The following FSTL4 variants were observed in gnomAD, a reference collection of about 807,000 sequenced individuals.
FSTL4 encodes follistatin like 4, also known as follistatin-related protein 4.
FSTL4 carries 28 observed loss-of-function variants against 78.2 expected under a neutral mutation model. That is an observed-to-expected ratio of 0.36 (90% CI 0.27 to 0.49). The LOEUF is 0.49. FSTL4 is among the 20% of genes least tolerant of loss of function. The pLI, the probability that FSTL4 is intolerant of heterozygous loss-of-function variation, is 0.98. For missense variants in FSTL4, 922 were observed against 1,084.9 expected (o/e 0.85, Z 2.11); for synonymous variants, 422 against 440.5 (o/e 0.96, Z 0.53).
chr5:133,517,279 T>A (rs937583487), intron 3 of FSTL4, among the ~76,000 whole-genome samples: 3 of 149,308 alleles, frequency 2.0e-5, no homozygotes, highest in African/African-American at 7.4e-5. Context: ...AAAAATTAGC[T>A]GAGCATAGTG....
At chr5:133,824,457 C>T in the FSTL4 span, among the ~76,000 whole-genome samples, 3 of 152,324 alleles carry the variant, frequency 2.0e-5, no homozygotes, top group East Asian at 1.9e-4. Flanking sequence ...CAGAAGCAGA[C>T]AAAAGACACT....
At chr5:133,757,743 T>C in the FSTL4 span, among the ~76,000 whole-genome samples, 1 of 152,174 alleles carries the variant, frequency 6.6e-6, no homozygotes, top group Admixed American at 6.5e-5. Flanking sequence ...CACCCGAGGC[T>C]CTTCTAGTTG....
intron 3 of FSTL4, among the ~76,000 whole-genome samples, chr5:133,500,431 C>G (rs2112877023): frequency 6.6e-6 from 1 of 152,276 alleles, no homozygotes; most frequent in South Asian, 2.1e-4. Context: ...ATTCCTTCCT[C>G]AGAAGGAACG....
intron 7 of FSTL4, among the ~76,000 whole-genome samples, chr5:133,240,481 T>G (rs1221347956): frequency 5.3e-5 from 8 of 152,178 alleles, no homozygotes; most frequent in Admixed American, 3.9e-4. Flanking sequence ...CCTGTCCTCC[T>G]GCTCGTTCCC....
the FSTL4 span, among the ~76,000 whole-genome samples, chr5:133,705,912 A>T: frequency 6.6e-6 from 1 of 151,620 alleles, no homozygotes. Flanking sequence ...AGCACTTCTC[A>T]GCTATTTGAA....
At chr5:133,251,176 A>G (rs1487164554) in intron 6 of FSTL4, among the ~76,000 whole-genome samples, 1 of 152,176 alleles carries the variant, frequency 6.6e-6, no homozygotes, top group Non-Finnish European at 1.5e-5. Flanking sequence ...CTGTAGCATG[A>G]CCCGGCCTTT....
chr5:133,366,058 T>C (rs1755175453), intron 4 of FSTL4, among the ~76,000 whole-genome samples: 1 of 152,206 alleles, frequency 6.6e-6, no homozygotes, highest in South Asian at 2.1e-4. Context: ...CTGCCTGGGC[T>C]TCTGGATCCT....
At chr5:133,305,533 A>G (rs1561664465) in intron 6 of FSTL4, among the ~76,000 whole-genome samples, 1 of 152,156 alleles carries the variant, frequency 6.6e-6, no homozygotes, top group Non-Finnish European at 1.5e-5. Flanking sequence ...CTCTTGGGAC[A>G]GTTGGTCCTC....
chr5:133,317,642 G>A (rs562204340), intron 4 of FSTL4, among the ~76,000 whole-genome samples: 1 of 152,240 alleles, frequency 6.6e-6, no homozygotes, highest in Non-Finnish European at 1.5e-5. Context: ...AAGTGTTAGA[G>A]AGCATGAGCT....
chr5:133,425,331 C>T (rs895380154), intron 3 of FSTL4, among the ~76,000 whole-genome samples: 4 of 152,116 alleles, frequency 2.6e-5, no homozygotes, highest in Admixed American at 6.5e-5. Flanking sequence ...AGCAGGAGAC[C>T]CAGAGCAAGT....
At chr5:133,626,798 C>T in the FSTL4 span, among the ~76,000 whole-genome samples, 5 of 152,000 alleles carry the variant, frequency 3.3e-5, no homozygotes, top group Non-Finnish European at 7.4e-5. Context: ...TGTTTTATGG[C>T]CCAGTATATG....
the FSTL4 span, among the ~76,000 whole-genome samples, chr5:133,696,277 G>A: frequency 6.6e-6 from 1 of 152,204 alleles, no homozygotes; most frequent in Non-Finnish European, 1.5e-5. Flanking sequence ...GGGTATCTTT[G>A]GTCTTCAGCT....
intron 6 of FSTL4, among the ~76,000 whole-genome samples, chr5:133,275,195 T>C (rs1241108035): frequency 1.3e-5 from 2 of 151,316 alleles, no homozygotes; most frequent in South Asian, 2.1e-4. Context: ...ACCCATGAAG[T>C]GGAGGTTGCA....
the FSTL4 span, among the ~76,000 whole-genome samples, chr5:133,787,967 T>A: frequency 6.6e-6 from 1 of 152,224 alleles, no homozygotes; most frequent in African/African-American, 2.4e-5. Context: ...TAGTTGGTGC[T>A]CGGTAAGTGG....
intron 3 of FSTL4, among the ~76,000 whole-genome samples, chr5:133,485,703 G>C (rs1401847022): frequency 1.3e-5 from 2 of 152,196 alleles, no homozygotes; most frequent in Non-Finnish European, 1.5e-5. Flanking sequence ...AGCAACGTTC[G>C]GGTCCTCGGC....
intron 1 of FSTL4, among the ~76,000 whole-genome samples, chr5:133,607,981 C>T (rs528928212): frequency 2.6e-5 from 4 of 152,254 alleles, no homozygotes; most frequent in East Asian, 1.9e-4. Flanking sequence ...CCTCAGCTCA[C>T]GGAGAGCACC....
intron 6 of FSTL4, among the ~76,000 whole-genome samples, chr5:133,263,921 G>T (rs1368629257): frequency 6.6e-6 from 1 of 152,210 alleles, no homozygotes; most frequent in Non-Finnish European, 1.5e-5. Flanking sequence ...GTGACAGAAG[G>T]TGGGCAGAGC....
the FSTL4 span, among the ~76,000 whole-genome samples, chr5:133,769,378 G>A: frequency 2.6e-5 from 4 of 152,184 alleles, no homozygotes; most frequent in African/African-American, 4.8e-5. Flanking sequence ...GTAAATCTCT[G>A]GGATTCTGTT....
the FSTL4 span, among the ~76,000 whole-genome samples, chr5:133,637,181 G>A: frequency 3.9e-5 from 6 of 152,064 alleles, no homozygotes; most frequent in Non-Finnish European, 7.3e-5. Context: ...TGGACTTGAT[G>A]TCATAATTCT....
Sources: gnomAD v4.1 joint callset for allele counts (sites outside exome capture counted in the v4.1 genomes callset) on GRCh38, gnomAD v4.1.1 for gene constraint, MANE v1.5 for transcripts, NCBI Gene and HGNC (gene_info 2026-07-23, HGNC 2026-07-21) for gene names.